The following ZFHX3 variants were observed in gnomAD, a reference collection of about 807,000 sequenced individuals.
ZFHX3 encodes zinc finger homeobox 3.
In ZFHX3, 42 loss-of-function variants were observed where a neutral mutation model predicts 279.1. The ratio of observed to expected loss-of-function variants is 0.15; its 90% CI spans 0.12 to 0.19. The LOEUF (loss-of-function observed/expected upper bound fraction) is 0.19, where lower values mean the gene tolerates loss of function less well. ZFHX3 is among the 10% of genes least tolerant of loss of function. The pLI, the probability that ZFHX3 is intolerant of heterozygous loss-of-function variation, is 1.00. For missense variants in ZFHX3, 4,981 were observed against 4,754.0 expected (o/e 1.05, Z -1.40); for synonymous variants, 2,293 against 1,957.8 (o/e 1.17, Z -4.52).
chr16:73,568,719 C>T (rs11149896), intron 2 of ZFHX3, among the ~76,000 whole-genome samples: 16,663 of 152,262 alleles, frequency 0.11, 991 homozygotes, highest in Non-Finnish European at 0.13. Context: ...AGCTGGCCCC[C>T]CTCTAGCCAC....
intron 3 of ZFHX3, among the ~76,000 whole-genome samples, chr16:72,940,835 C>T (rs1300426156): frequency 6.6e-6 from 1 of 152,256 alleles, no homozygotes; most frequent in Non-Finnish European, 1.5e-5. Flanking sequence ...TTCTAACCTT[C>T]TAACTAGTTT....
At chr16:73,728,015 G>GCC (rs3049673) in intron 1 of ZFHX3, among the ~76,000 whole-genome samples, 16,337 of 74,976 alleles carry the variant, frequency 0.22, 2,189 homozygotes, top group Admixed American at 0.28. Flanking sequence ...GCCGAATTGT[G>GCC]CCCCCCCCCC....
At position 72,811,930 on chromosome 16, in the gene ZFHX3, G is replaced by C. The variant is rs1262223784; in HGVS notation, c.3638C>G (p.Thr1213Arg). ...CTGCTCCGGTTTGATCTCCTCAGCT[G>C]TTTTTGGTCGCTTCGAAGAGAGGGG... ...ESPLSSKRPK[T>R]AEEIKPEQMY... The change falls in exon 6 of 10, where the codon ACA (threonine) becomes AGA (arginine). Residue 1213 changes from threonine (T) to arginine (R), a missense_variant. Coordinates refer to ENST00000268489, the MANE Select transcript of ZFHX3 (RefSeq NM_006885.4). The C allele has an allele frequency of 1.2e-6, 2 of 1,614,044 alleles. No homozygotes were observed. Among genetic ancestry groups the C allele is most frequent in the East Asian group, 2.2e-5 (1 of 44,858 alleles).
In ZFHX3 at chr16:72,959,374, T is replaced by G; in HGVS notation, c.772A>C (p.Lys258Gln). The G allele has an allele frequency of 6.2e-7, 1 of 1,614,234 alleles. No individual in the cohort carries two copies. Residue 258 changes from lysine (K) to glutamine (Q), a missense_variant, in exon 2 of 10, where the codon AAA becomes CAA. By Grantham distance (53) the Lys-to-Gln change is moderately conservative (BLOSUM62 1). Coordinates refer to ENST00000268489, the MANE Select transcript of ZFHX3 (RefSeq NM_006885.4). ...DGSAKSSCVS[K>Q]DVPNNVDLSK... is the part of the protein sequence containing the mutation. ...AGGTCCACATTGTTGGGAACATCTT[T>G]GGATACGCAGGAGCTTTTGGCAGAA...
rs1215772094 is a variant in ZFHX3, at chr16:73,298,537, T to G, written c.-1194+19703A>C. On this transcript the variant is annotated intron_variant, in intron 4 of 17. Coordinates refer to the ZFHX3 transcript ENST00000641206. ...TTTTTCACTTCTTTAATCAACAATT[T>G]TAAGAGAGACTGTTGTTGATTGTGT... Among the ~76,000 whole-genome samples, 18 of 151,858 alleles carry G rather than the reference T, an allele frequency of 1.2e-4. 3 individuals carry two copies. Among genetic ancestry groups the G allele is most frequent in the East Asian group, 3.9e-4 (2 of 5,136 alleles).
intron 4 of ZFHX3, among the ~76,000 whole-genome samples, chr16:72,855,054 C>T (rs75661152): frequency 0.065 from 9,894 of 152,068 alleles, 824 homozygotes; most frequent in African/African-American, 0.19. Flanking sequence ...GAGATAAATA[C>T]GTTCCAATTA....
intron 5 of ZFHX3, among the ~76,000 whole-genome samples, chr16:73,150,823 G>C (rs1388335009): frequency 1.3e-5 from 2 of 152,134 alleles, no homozygotes; most frequent in Non-Finnish European, 2.9e-5. Flanking sequence ...CCCTTAACAT[G>C]TGTCTGTTGA....
rs370491674 is a variant in ZFHX3, at chr16:73,587,037, C to A, written c.-1547+93143G>T. ...GTAAACACACACAAGACCACTGAAA[C>A]AGGCTGGAGCATCAATTTTGGAGAC... On this transcript the variant is annotated intron_variant, in intron 2 of 17. Coordinates refer to the ZFHX3 transcript ENST00000641206. Among the ~76,000 whole-genome samples, 64 of 152,198 alleles carry A rather than the reference C, an allele frequency of 4.2e-4. No individual in the cohort carries two copies. The South Asian group carries it at 0.012, about 29-fold the overall frequency.
In ZFHX3 at chr16:73,048,081, G is replaced by T; in HGVS notation, c.-379C>A. On this transcript the variant is annotated 5_prime_UTR_variant, in exon 1 of 10. Coordinates refer to ENST00000268489, the MANE Select transcript of ZFHX3 (RefSeq NM_006885.4). Reference sequence around the variant, plus strand: ...CCGGGTCCCCGGCCTGCCCGCCGCCGCCGCCTCCTCCTCTGCCGCCGCCCG... The same window carrying T: ...CCGGGTCCCCGGCCTGCCCGCCGCCTCCGCCTCCTCCTCTGCCGCCGCCCG... The T allele has an allele frequency of 6.6e-6, 1 of 152,294 alleles. No homozygotes were observed. The allele number at this position is 152,294 out of a possible 1,614,324, so 9.4% of individuals were successfully genotyped here. A position where few individuals can be genotyped will look rare whatever the true frequency, so the allele number is the denominator to read the frequency against.
At chr16:73,090,926 A>AAAAAAAAAAG (rs1240195517) in intron 8 of ZFHX3, among the ~76,000 whole-genome samples, 3 of 147,272 alleles carry the variant, frequency 2.0e-5, no homozygotes, top group African/African-American at 7.5e-5. Context: ...AAAAAAAAAA[A>AAAAAAAAAAG]AAAGGCAAGG....
At chr16:73,881,116 T>C (rs1237268482) in intron 1 of ZFHX3, among the ~76,000 whole-genome samples, 3 of 152,138 alleles carry the variant, frequency 2.0e-5, no homozygotes, top group African/African-American at 7.2e-5. Flanking sequence ...TTTCTTTAAA[T>C]GAGCTGGACC....
At chr16:73,588,767 G>T (rs770914568) in intron 2 of ZFHX3, among the ~76,000 whole-genome samples, 1 of 149,840 alleles carries the variant, frequency 6.7e-6, no homozygotes, top group African/African-American at 2.4e-5. Context: ...CCAAGGACAT[G>T]CAATCATCAA....
chr16:72,992,312 AG>A (rs1242810579), intron 1 of ZFHX3, among the ~76,000 whole-genome samples: 1 of 152,110 alleles, frequency 6.6e-6, no homozygotes, highest in Non-Finnish European at 1.5e-5. Flanking sequence ...CCCCACAGCG[AG>A]GATCCTACAG....
At chr16:73,466,995 T>C (rs1191041755) in intron 2 of ZFHX3, among the ~76,000 whole-genome samples, 1 of 152,142 alleles carries the variant, frequency 6.6e-6, no homozygotes, top group East Asian at 1.9e-4. Context: ...GTGACAGACC[T>C]GACATGTCTG....
At chr16:73,336,019 A>C (rs2015905591) in intron 3 of ZFHX3, among the ~76,000 whole-genome samples, 1 of 152,172 alleles carries the variant, frequency 6.6e-6, no homozygotes, top group African/African-American at 2.4e-5. Flanking sequence ...GCAGCAGTGC[A>C]CGTGTTCTAA....
At chr16:73,128,896 C>T (rs1295197826) in intron 7 of ZFHX3, among the ~76,000 whole-genome samples, 1 of 152,144 alleles carries the variant, frequency 6.6e-6, no homozygotes, top group African/African-American at 2.4e-5. Flanking sequence ...GGGATGGTAA[C>T]ACTCACCTCA....
At chr16:73,400,117 T>TTTG (rs1005387207) in intron 3 of ZFHX3, 1 of 150,244 alleles carries the variant, frequency 6.7e-6, no homozygotes, top group Middle Eastern at 3.3e-3. Context: ...CACCCAAAGC[T>TTTG]TTGTTGTTGT....
intron 2 of ZFHX3, among the ~76,000 whole-genome samples, chr16:73,530,895 C>T (rs1290364319): frequency 6.6e-6 from 1 of 152,124 alleles, no homozygotes; most frequent in Non-Finnish European, 1.5e-5. Context: ...TGAATTCTGC[C>T]CCTTGGTTAA....
intron 2 of ZFHX3, among the ~76,000 whole-genome samples, chr16:73,550,873 A>G (rs1479658319): frequency 2.0e-5 from 3 of 152,222 alleles, no homozygotes; most frequent in Non-Finnish European, 2.9e-5. Context: ...CAAACATCAA[A>G]TATATTTTGG....
Sources: gnomAD v4.1 joint callset for allele counts (sites outside exome capture counted in the v4.1 genomes callset) on GRCh38, gnomAD v4.1.1 for gene constraint, MANE v1.5 for transcripts, NCBI Gene and HGNC (gene_info 2026-07-23, HGNC 2026-07-21) for gene names.